The following DENND1C variants were observed in gnomAD, a reference collection of about 807,000 sequenced individuals.
DENND1C encodes the protein DENN domain containing 1C.
A neutral mutation model predicts 87.9 loss-of-function variants in DENND1C; 64 were observed. The observed-to-expected ratio is 0.73, with a 90% CI of 0.60 to 0.90. The LOEUF (loss-of-function observed/expected upper bound fraction) is 0.90. Ranked by LOEUF, DENND1C falls within the 40% of genes least tolerant of loss-of-function variation. The pLI is 0.00. For missense variants in DENND1C, 980 were observed against 1,037.0 expected (o/e 0.95, Z 0.76); for synonymous variants, 384 against 424.4 (o/e 0.90, Z 1.17).
At chr19:6,479,643 C>A in intron 4 of DENND1C, 26 bp downstream of exon 4, 1 of 1,613,744 alleles carries the variant, frequency 6.2e-7, no homozygotes, top group South Asian at 1.1e-5. Context: ...GTCCCTGAGT[C>A]CTTGGATCTC....
intron 10 of DENND1C, chr19:6,476,161 T>G: frequency 1.9e-6 from 1 of 532,602 alleles, no homozygotes. Context: ...TCCTGATCCC[T>G]CTCTGTAAGG....
In DENND1C at chr19:6,476,962, G is replaced by C; in HGVS notation, c.573C>G (p.Asn191Lys). The C allele has an allele frequency of 6.2e-7, 1 of 1,613,690 alleles. No individual in the cohort carries two copies. The highest frequency in any genetic ancestry group is 8.5e-7 in the Non-Finnish European group (1 of 1,179,790). The change falls in exon 10 of 23, where the codon AAC (asparagine) becomes AAG (lysine). Residue 191 changes from asparagine (N) to lysine (K), a missense_variant. Physicochemically the swap from Asn to Lys is moderately conservative, Grantham distance 94 (BLOSUM62 0). Transcript: ENST00000381480. ...GRLPSIPENR[N>K]LTELVVAVTD... ...TCACGGCCACCACCAGCTCCGTTAG[G>C]TTCCTCTGAGGATCAGAGAGTCGCT... is the stretch of plus-strand genomic sequence containing the variant.
At chr19:6,468,553 C>T in intron 21 of DENND1C, 25 bp downstream of exon 21, 1 of 1,552,774 alleles carries the variant, frequency 6.4e-7, no homozygotes, top group Non-Finnish European at 8.7e-7. Context: ...CCACTTTCAA[C>T]ACTGCTGTTC....
At chr19:6,480,257 G>A in intron 1 of DENND1C, 1 of 1,439,590 alleles carries the variant, frequency 6.9e-7, no homozygotes, top group Non-Finnish European at 9.1e-7. Flanking sequence ...ACAGGATGGA[G>A]TGAGAAAGTG....
rs1002061316 is a variant in DENND1C, at chr19:6,476,857, G to C, written c.678C>G (p.Thr226=). Residue 226 remains threonine (T), a splice_region_variant and synonymous_variant, in exon 10 of 23, where the codon ACC becomes ACG. Transcript: ENST00000381480. ...CCCGGCCCGGCGGACCCCGCCTCAC[G>C]GTGCTGAGTTTGCTGGCGGTGAGCA... ...RVLLTASKLS[T]LTSCVHASCA... The C allele has an allele frequency of 1.2e-6, 2 of 1,610,634 alleles. No individual in the cohort carries two copies. The highest frequency in any genetic ancestry group is 2.2e-5 in the East Asian group (1 of 44,868).
At chr19:6,477,946 G>A (rs1318270932) in intron 6 of DENND1C, among the ~76,000 whole-genome samples, 3 of 150,872 alleles carry the variant, frequency 2.0e-5, no homozygotes, top group African/African-American at 4.8e-5. Context: ...CTGGTGGGCC[G>A]CGCCTATAGT....
At chr19:6,469,074 C>A in intron 19 of DENND1C, 121 bp from the exon 20 acceptor site, 1 of 574,510 alleles carries the variant, frequency 1.7e-6, no homozygotes, top group South Asian at 5.7e-5. Flanking sequence ...TCATGTTGCC[C>A]AGGCTGGAGT....
At chr19:6,480,360 G>A in intron 1 of DENND1C, 2 of 1,306,698 alleles carry the variant, frequency 1.5e-6, no homozygotes, top group Non-Finnish European at 2.0e-6. Context: ...TCTGCTGTCT[G>A]CCTGAAAAGA....
intron 17 of DENND1C, among the ~76,000 whole-genome samples, chr19:6,470,803 G>A (rs1393223400): frequency 5.9e-5 from 9 of 151,640 alleles, no homozygotes; most frequent in Middle Eastern, 3.4e-3. Context: ...TGTATTTTTA[G>A]TAGAGAGAGA....
In DENND1C at chr19:6,471,322, G is replaced by T; in HGVS notation, c.1250-17C>A. On this transcript the variant is annotated splice_polypyrimidine_tract_variant and intron_variant, in intron 16 of 22. Transcript: ENST00000381480. ...GAAGGGCCCCTGGGGTAAGGAGAGA[G>T]TGTGGTGGTCACCGAAGGCTGGCTG... 1 of 1,597,222 alleles carries T rather than the reference G, an allele frequency of 6.3e-7. No homozygotes were observed. Among genetic ancestry groups the T allele is most frequent in the South Asian group, 1.1e-5 (1 of 88,404 alleles).
intron 1 of DENND1C, 162 bp downstream of exon 1, chr19:6,481,517 T>A: frequency 4.4e-6 from 4 of 918,846 alleles, no homozygotes; most frequent in Non-Finnish European, 6.4e-6. Flanking sequence ...TGTCCCAGAG[T>A]GAAGGTCATA....
At chr19:6,468,731 G>A (rs987924650) in intron 20 of DENND1C, 86 bp from the exon 21 acceptor site, 5 of 1,369,226 alleles carry the variant, frequency 3.7e-6, no homozygotes, top group African/African-American at 1.5e-5. Context: ...TGTGAAGTGG[G>A]TGCCACATAT....
rs771413408 is a variant in DENND1C at position 6,468,841 on chromosome 19, C to G, written c.1515+5G>C. 1 of 1,511,410 alleles carries G rather than the reference C, an allele frequency of 6.6e-7. No homozygotes were observed. Among genetic ancestry groups the G allele is most frequent in the South Asian group, 1.4e-5 (1 of 72,920 alleles). 93.6% of individuals were successfully genotyped at this position (1,511,410 alleles called of 1,614,324 possible). On this transcript the variant is annotated splice_donor_5th_base_variant and intron_variant, in intron 20 of 22. Coordinates refer to ENST00000381480, the MANE Select transcript of DENND1C (RefSeq NM_024898.4). ...GTGTGTGCATGGGGGGAGGGGCGCT[C>G]TCACCTTTCCAAAGTGCTGAGTGAT...
At position 6,479,864 on chromosome 19, in the gene DENND1C, C is replaced by G; in HGVS notation, c.121G>C (p.Asp41His). The change falls in exon 3 of 23, where the codon GAC becomes CAC. Residue 41 changes from aspartate (D) to histidine (H), a missense_variant. Asp to His is a moderately conservative substitution (Grantham distance 81). Transcript: ENST00000381480. Reference protein sequence around the residue: ...ILRQFPPDFRDQEAMQMVPKF... With the variant: ...ILRQFPPDFRHQEAMQMVPKF... ...CAAGGAGCCAGCCTGAATACCTGGT[C>G]CCTGAAGTCTGGAGGGAACTGCCGC... The G allele has an allele frequency of 6.2e-7, 1 of 1,610,706 alleles. No individual in the cohort carries two copies. Among genetic ancestry groups the G allele is most frequent in the Non-Finnish European group, 8.5e-7 (1 of 1,178,488 alleles).
At chr19:6,471,736 G>T (rs1006071756) in intron 15 of DENND1C, among the ~76,000 whole-genome samples, 3 of 152,092 alleles carry the variant, frequency 2.0e-5, no homozygotes, top group Admixed American at 6.6e-5. Context: ...TCCGCTTCCC[G>T]GGTTTAAGTG....
At chr19:6,474,845 GATC>G (rs1367141773) in intron 14 of DENND1C, among the ~76,000 whole-genome samples, 3 of 152,082 alleles carry the variant, frequency 2.0e-5, no homozygotes, top group African/African-American at 7.2e-5. Flanking sequence ...GATGCGGGCA[GATC>G]ACCTGAGGTC....
intron 1 of DENND1C, chr19:6,480,478 A>G (rs1189808161): frequency 2.0e-6 from 2 of 984,144 alleles, no homozygotes; most frequent in Non-Finnish European, 2.4e-6. Context: ...ATATATATCC[A>G]TCTATCTGTC....
rs773631698 is a variant in DENND1C at position 6,468,641 on chromosome 19, C to T, written c.1520G>A (p.Arg507Gln). The T allele has an allele frequency of 3.3e-5, 49 of 1,484,538 alleles. No individual in the cohort carries two copies. The Middle Eastern group carries it at 5.3e-4, about 16-fold the overall frequency. The allele number at this position is 1,484,538 out of a possible 1,614,324, so 92.0% of individuals were successfully genotyped here. A position where few individuals can be genotyped will look rare whatever the true frequency, so the allele number is the denominator to read the frequency against. ...GCGTCTCCTGCTGGGGCGAAGGGGC[C>T]GGTTCTGCAAAGGGTGGGGGCGATA... ...LPITQHFGKN[R>Q]PLRPSRRRQL... The change falls in exon 21 of 23, where the codon CGG (arginine) becomes CAG (glutamine). Residue 507 changes from arginine (R) to glutamine (Q), a missense_variant. Coordinates refer to ENST00000381480, the MANE Select transcript of DENND1C (RefSeq NM_024898.4).
intron 18 of DENND1C, 118 bp from the exon 19 acceptor site, chr19:6,469,758 T>A (rs1377116396): frequency 2.7e-5 from 28 of 1,023,808 alleles, no homozygotes; most frequent in Non-Finnish European, 3.9e-5. Flanking sequence ...CTCAAATACG[T>A]TCACCACCCC....
Sources: gnomAD v4.1 joint callset for allele counts (sites outside exome capture counted in the v4.1 genomes callset) on GRCh38, gnomAD v4.1.1 for gene constraint, MANE v1.5 for transcripts, NCBI Gene and HGNC (gene_info 2026-07-23, HGNC 2026-07-21) for gene names.